SAMHD1: variants seen among roughly 807,000 people sequenced by gnomAD.
The protein encoded by SAMHD1 is deoxynucleoside triphosphate triphosphohydrolase SAMHD1.
In SAMHD1, 54 loss-of-function variants were observed where a neutral mutation model predicts 79.6. That is an observed-to-expected ratio of 0.68 (90% CI 0.55 to 0.85). The LOEUF is 0.85. Among genes scored for constraint, SAMHD1 ranks in the 40% least tolerant of loss-of-function variants. The pLI, the probability that SAMHD1 is intolerant of heterozygous loss-of-function variation, is 0.00. For synonymous variants in SAMHD1, 260 were observed against 264.1 expected (o/e 0.98, Z 0.15); for missense variants, 663 against 782.7 (o/e 0.85, Z 1.82).
At chr20:36,943,279 T>C (rs1600391641) in intron 2 of SAMHD1, among the ~76,000 whole-genome samples, 2 of 152,334 alleles carry the variant, frequency 1.3e-5, no homozygotes, top group East Asian at 3.9e-4. Context: ...TAGAACTTTC[T>C]GCGATGATGG....
Position 36,898,475 on chromosome 20 carries a change from C to A in SAMHD1, c.1573G>T (p.Ala525Ser), listed in dbSNP as rs948134548. 1.2e-6 allele frequency: 2 copies of A among 1,613,930 alleles called. No individual in the cohort carries two copies. Among genetic ancestry groups the A allele is most frequent in the Non-Finnish European group, 1.7e-6 (2 of 1,179,880 alleles). The change falls in exon 14 of 16, where the codon GCC becomes TCC. Residue 525 changes from alanine to serine, a missense_variant. By Grantham distance (99) the Ala-to-Ser change is moderately conservative (BLOSUM62 1). Coordinates refer to ENST00000646673, the MANE Select transcript of SAMHD1 (RefSeq NM_015474.4). ...IDHVSFYCKTAPNRAIRITKN... is the reference protein window; with the variant it reads ...IDHVSFYCKTSPNRAIRITKN... ...GTAATCCTGATTGCTCTGTTGGGGG[C>A]AGTCTTACAATAGAAGCTAACATGA...
chr20:36,924,660 T>A (rs1381443978), intron 6 of SAMHD1, among the ~76,000 whole-genome samples: 1 of 152,202 alleles, frequency 6.6e-6, no homozygotes, highest in African/African-American at 2.4e-5. Context: ...ACATGATTGC[T>A]GTTCTATTTC....
In SAMHD1 at chr20:36,904,429, T is replaced by G. The variant is rs2063393856; in HGVS notation, c.1411-180A>C. The stretch of plus-strand genomic sequence containing the variant: ...AAGAGAGCATTTTTGTAAAAAATTG[T>G]AAAAAGTGGCCAGGCGCAGTGGCTC... On this transcript the variant is annotated intron_variant, in intron 12 of 15. Coordinates refer to ENST00000646673, the MANE Select transcript of SAMHD1 (RefSeq NM_015474.4). 6.5e-6 allele frequency: 4 copies of G among 611,702 alleles called. No individual in the cohort carries two copies. In the South Asian group the frequency reaches 7.1e-5, roughly 11 times the overall value. The allele number at this position is 611,702 out of a possible 1,614,324, so 37.9% of individuals were successfully genotyped here.
chr20:36,911,217 C>A lies in SAMHD1; in HGVS notation c.1270+1G>T. The A allele has an allele frequency of 3.1e-6, 5 of 1,597,900 alleles. No homozygotes were observed. The highest frequency in any genetic ancestry group is 4.3e-6 in the Non-Finnish European group (5 of 1,165,768). On this transcript the variant is annotated splice_donor_variant, in intron 11 of 15. Coordinates refer to ENST00000646673, the MANE Select transcript of SAMHD1 (RefSeq NM_015474.4). LOFTEE classifies it high-confidence loss of function. ...CATCTATGTTACCTGTTACTTCTTA[C>A]CTGTCAGCTTAGTATAGGCTTCCAT... is the stretch of plus-strand genomic sequence containing the variant.
intron 6 of SAMHD1, among the ~76,000 whole-genome samples, chr20:36,920,939 G>A (rs2063500240): frequency 6.6e-6 from 1 of 151,478 alleles, no homozygotes; most frequent in South Asian, 2.1e-4. Flanking sequence ...TAAAAAGATT[G>A]GCTGGGTATA....
intron 6 of SAMHD1, among the ~76,000 whole-genome samples, chr20:36,925,468 G>A (rs1021878236): frequency 6.6e-6 from 1 of 152,204 alleles, no homozygotes; most frequent in East Asian, 1.9e-4. Context: ...AAAAACTGGT[G>A]AGAAACTACC....
chr20:36,918,377 G>C (rs2063487014), intron 7 of SAMHD1, among the ~76,000 whole-genome samples: 1 of 151,088 alleles, frequency 6.6e-6, no homozygotes, highest in Non-Finnish European at 1.5e-5. Context: ...CCAGTATTTT[G>C]GGAGGCCAAA....
intron 9 of SAMHD1, among the ~76,000 whole-genome samples, chr20:36,913,793 C>T (rs191148459): frequency 2.2e-4 from 33 of 150,196 alleles, no homozygotes; most frequent in African/African-American, 7.1e-4. Flanking sequence ...GCTCTGTCAC[C>T]CAGGTTGGAA....
chr20:36,930,208 C>G lies in SAMHD1; in HGVS notation c.625+552G>C, dbSNP rs538200311. On this transcript the variant is annotated intron_variant, in intron 5 of 15. Coordinates refer to ENST00000646673, the MANE Select transcript of SAMHD1 (RefSeq NM_015474.4). The stretch of plus-strand genomic sequence containing the variant: ...GCCCTTTCATATAACCTGTAGTAAA[C>G]ATGATGGCCGGGCACGGTGGCTCAT... Among the ~76,000 whole-genome samples the G allele has an allele frequency of 1.9e-3, 285 of 151,676 alleles. 1 individual carries two copies. Among genetic ancestry groups the G allele is most frequent in the African/African-American group, 6.4e-3 (265 of 41,366 alleles).
chr20:36,908,748 A>G (rs2148363122), intron 11 of SAMHD1, among the ~76,000 whole-genome samples: 1 of 152,172 alleles, frequency 6.6e-6, no homozygotes, highest in South Asian at 2.1e-4. Context: ...AGGAGGAGCT[A>G]GTTTAGGTTT....
chr20:36,935,074 T>G lies in SAMHD1; in HGVS notation c.464A>C (p.Tyr155Ser). ...ATTGTGTGAAGCTCCTGGAAAAACA[T>G]AGTAACCACCTCCCAGCTGTTTGAT... Reference protein sequence around the residue: ...RYIKQLGGGYYVFPGASHNRF... With the variant: ...RYIKQLGGGYSVFPGASHNRF... The change falls in exon 4 of 16, where the codon TAT becomes TCT. Residue 155 changes from tyrosine (Y) to serine (S), a missense_variant. Physicochemically the swap from Tyr to Ser is moderately radical, Grantham distance 144. Transcript: ENST00000646673. 1 of 1,614,130 alleles carries G rather than the reference T, an allele frequency of 6.2e-7. No homozygotes were observed.
chr20:36,892,771 A>C lies in SAMHD1; in HGVS notation c.*161T>G. ...AGTATAGTAAGATTTGCCTAATACC[A>C]TCTTATTTCTTTGATTAAAAGTTAC... On this transcript the variant is annotated 3_prime_UTR_variant, in exon 16 of 16. Transcript: ENST00000646673. 1.1e-6 allele frequency: 1 copy of C among 891,480 alleles called. No individual in the cohort carries two copies. The highest frequency in any genetic ancestry group is 1.9e-6 in the Non-Finnish European group (1 of 535,114). The allele number at this position is 891,480 out of a possible 1,614,324, so 55.2% of individuals were successfully genotyped here.
chr20:36,916,338 A>G (rs180804791), intron 9 of SAMHD1, among the ~76,000 whole-genome samples: 1 of 151,902 alleles, frequency 6.6e-6, no homozygotes, highest in African/African-American at 2.4e-5. Flanking sequence ...ACTTAAAATG[A>G]TGCCTCATAC....
chr20:36,904,055 A>G, intron 13 of SAMHD1, 102 bp downstream of exon 13: 2 of 611,744 alleles, frequency 3.3e-6, no homozygotes, highest in Non-Finnish European at 6.0e-6. Flanking sequence ...ATCTTTCTGT[A>G]TTTTTCTAAT....
At chr20:36,898,191 C>T (rs1990233695) in intron 14 of SAMHD1, among the ~76,000 whole-genome samples, 1 of 152,030 alleles carries the variant, frequency 6.6e-6, no homozygotes, top group Admixed American at 6.6e-5. Context: ...GCTACCATGC[C>T]TAAGTTTTTT....
intron 15 of SAMHD1, among the ~76,000 whole-genome samples, chr20:36,894,466 CA>C (rs1990160465): frequency 9.9e-5 from 15 of 151,934 alleles, no homozygotes; most frequent in South Asian, 2.1e-4. Flanking sequence ...CTCCTGACCT[CA>C]GTAAAGGCAA....
At chr20:36,894,870 G>T (rs9753600) in intron 15 of SAMHD1, among the ~76,000 whole-genome samples, 1,742 of 151,932 alleles carry the variant, frequency 0.011, 42 homozygotes, top group African/African-American at 0.038. Flanking sequence ...TACCCAGCTT[G>T]CTTTCTTTCT....
chr20:36,930,312 A>G (rs2063560873), intron 5 of SAMHD1, among the ~76,000 whole-genome samples: 1 of 151,958 alleles, frequency 6.6e-6, no homozygotes, highest in South Asian at 2.1e-4. Context: ...CCTGGCCAAC[A>G]TGGTGAAACC....
intron 3 of SAMHD1, among the ~76,000 whole-genome samples, chr20:36,936,998 G>T (rs1310393523): frequency 2.0e-5 from 3 of 151,914 alleles, no homozygotes; most frequent in Non-Finnish European, 4.4e-5. Context: ...AAAATTAGCT[G>T]GGCGTGGTGG....
Sources: gnomAD v4.1 joint callset for allele counts (sites outside exome capture counted in the v4.1 genomes callset) on GRCh38, gnomAD v4.1.1 for gene constraint, MANE v1.5 for transcripts, NCBI Gene and HGNC (gene_info 2026-07-23, HGNC 2026-07-21) for gene names.